ROBO1: variants seen among roughly 807,000 people sequenced by gnomAD.
The protein encoded by ROBO1 is roundabout guidance receptor 1.
In ROBO1, 149 loss-of-function variants were observed where a neutral mutation model predicts 195.9. That is an observed-to-expected ratio of 0.76 (90% CI 0.67 to 0.87). ROBO1 has a LOEUF of 0.87. Ranked by LOEUF, ROBO1 falls within the 40% of genes least tolerant of loss-of-function variation. ROBO1 has a pLI of 0.00. For missense variants in ROBO1, 1,933 were observed against 2,068.3 expected (o/e 0.93, Z 1.27); for synonymous variants, 816 against 733.2 (o/e 1.11, Z -1.82).
At chr3:79,742,880 G>A (rs1237318750) in intron 1 of ROBO1, among the ~76,000 whole-genome samples, 5 of 152,172 alleles carry the variant, frequency 3.3e-5, no homozygotes, top group African/African-American at 7.2e-5. Flanking sequence ...AAAGCATTTA[G>A]ACATTTCTGG....
At chr3:78,931,018 C>T (rs541854606) in intron 4 of ROBO1, among the ~76,000 whole-genome samples, 3 of 152,008 alleles carry the variant, frequency 2.0e-5, no homozygotes, top group East Asian at 1.9e-4. Context: ...TATTTTCTTT[C>T]CCCCCTGCTC....
At chr3:79,209,023 A>G (rs1576817255) in intron 2 of ROBO1, among the ~76,000 whole-genome samples, 1 of 152,052 alleles carries the variant, frequency 6.6e-6, no homozygotes, top group Non-Finnish European at 1.5e-5. Flanking sequence ...TTTTATTTCA[A>G]TAGTTTTGGG....
intron 2 of ROBO1, among the ~76,000 whole-genome samples, chr3:79,489,945 G>A (rs1488456118): frequency 6.6e-6 from 1 of 152,084 alleles, no homozygotes; most frequent in East Asian, 1.9e-4. Flanking sequence ...CACTAATGAA[G>A]AATTTGGCAT....
intron 2 of ROBO1, among the ~76,000 whole-genome samples, chr3:79,371,963 G>A (rs2036211218): frequency 6.6e-6 from 1 of 152,046 alleles, no homozygotes; most frequent in South Asian, 2.1e-4. Flanking sequence ...AGATCATCAG[G>A]CATTAGATTC....
chr3:78,838,889 T>C (rs2032962277), intron 4 of ROBO1, among the ~76,000 whole-genome samples: 1 of 152,174 alleles, frequency 6.6e-6, no homozygotes, highest in African/African-American at 2.4e-5. Context: ...AACATGGACA[T>C]TTCTGGCACT....
At chr3:79,474,025 A>G (rs1938421644) in intron 2 of ROBO1, among the ~76,000 whole-genome samples, 1 of 152,162 alleles carries the variant, frequency 6.6e-6, no homozygotes, top group South Asian at 2.1e-4. Flanking sequence ...TTTTACAATT[A>G]TTAATATGAA....
At chr3:78,642,911 C>A (rs2107576442) in intron 21 of ROBO1, among the ~76,000 whole-genome samples, 1 of 152,246 alleles carries the variant, frequency 6.6e-6, no homozygotes, top group African/African-American at 2.4e-5. Context: ...TCTGAAGTTA[C>A]AAAGGACTGA....
chr3:79,407,030 T>A (rs1215070310), intron 2 of ROBO1, among the ~76,000 whole-genome samples: 1 of 152,146 alleles, frequency 6.6e-6, no homozygotes, highest in Admixed American at 6.5e-5. Flanking sequence ...ACGATTCTTC[T>A]GCCTCAGCCT....
chr3:79,514,228 G>T (rs375999511), intron 2 of ROBO1, among the ~76,000 whole-genome samples: 13 of 152,256 alleles, frequency 8.5e-5, no homozygotes, highest in Admixed American at 2.6e-4. Flanking sequence ...AAAGCCAGGG[G>T]AAGATTACAG....
At chr3:78,884,651 GGA>G (rs1286911460) in intron 4 of ROBO1, among the ~76,000 whole-genome samples, 1 of 32,462 alleles carries the variant, frequency 3.1e-5, no homozygotes, top group Non-Finnish European at 7.2e-5. Flanking sequence ...AAGAAAGAAA[GGA>G]AGGAAGGAAG....
Position 79,485,240 on chromosome 3 carries a change from T to A in ROBO1, c.88+104584A>T, listed in dbSNP as rs980569484. On this transcript the variant is annotated intron_variant, in intron 2 of 30. Transcript: ENST00000464233. Reference sequence around the variant, plus strand: ...GGATAAAATAAGACATTTTATTAATTCTTTTGTTAGTATAGTTGCTATTAA... The same window carrying A: ...GGATAAAATAAGACATTTTATTAATACTTTTGTTAGTATAGTTGCTATTAA... Among the ~76,000 whole-genome samples, 7 of 152,132 alleles carry A rather than the reference T, an allele frequency of 4.6e-5. 1 individual carries two copies. The highest frequency in any genetic ancestry group is 1.7e-4 in the African/African-American group (7 of 41,424).
intron 4 of ROBO1, among the ~76,000 whole-genome samples, chr3:78,916,997 T>A (rs2107573655): frequency 6.6e-6 from 1 of 152,232 alleles, no homozygotes. Flanking sequence ...AAGTCTGAAA[T>A]TAAAATATTT....
intron 2 of ROBO1, among the ~76,000 whole-genome samples, chr3:79,326,094 C>T (rs886424967): frequency 6.6e-6 from 1 of 152,064 alleles, no homozygotes; most frequent in Non-Finnish European, 1.5e-5. Context: ...AGGAAATTCC[C>T]GCCTAATAAA....
chr3:78,714,760 T>C, intron 7 of ROBO1: 1 of 387,980 alleles, frequency 2.6e-6, no homozygotes. Context: ...AGTTGGCATT[T>C]ATTTACTTAT....
intron 3 of ROBO1, among the ~76,000 whole-genome samples, chr3:79,123,458 T>G (rs2080158826): frequency 6.6e-6 from 1 of 152,060 alleles, no homozygotes; most frequent in Non-Finnish European, 1.5e-5. Flanking sequence ...GCAGTCAACA[T>G]TATTTTTTCT....
intron 2 of ROBO1, among the ~76,000 whole-genome samples, chr3:79,413,185 G>C (rs975655341): frequency 2.6e-5 from 4 of 151,728 alleles, no homozygotes; most frequent in Non-Finnish European, 4.4e-5. Flanking sequence ...CACTTAAAGA[G>C]CTCACATGGC....
chr3:79,146,301 T>C (rs1186083431), intron 2 of ROBO1, among the ~76,000 whole-genome samples: 2 of 151,782 alleles, frequency 1.3e-5, no homozygotes, highest in African/African-American at 2.4e-5. Flanking sequence ...CCTCAGGGAA[T>C]AAAGATGTAG....
intron 3 of ROBO1, among the ~76,000 whole-genome samples, chr3:79,086,773 TA>T (rs1374643058): frequency 1.3e-5 from 2 of 152,180 alleles, no homozygotes; most frequent in African/African-American, 4.8e-5. Flanking sequence ...GACAATCTTT[TA>T]TTTTTTTTAC....
At chr3:79,492,415 G>A in intron 2 of ROBO1, among the ~76,000 whole-genome samples, 1 of 103,040 alleles carries the variant, frequency 9.7e-6, no homozygotes, top group East Asian at 3.1e-4. Flanking sequence ...ATAAGAGTGA[G>A]ACTCTGTTTC....
Sources: gnomAD v4.1 joint callset for allele counts (sites outside exome capture counted in the v4.1 genomes callset) on GRCh38, gnomAD v4.1.1 for gene constraint, MANE v1.5 for transcripts, NCBI Gene and HGNC (gene_info 2026-07-23, HGNC 2026-07-21) for gene names.